The following PTPN4 variants were observed in gnomAD, a reference collection of about 807,000 sequenced individuals.
The protein encoded by PTPN4 is protein tyrosine phosphatase non-receptor type 4, also known as tyrosine-protein phosphatase non-receptor type 4.
A neutral mutation model predicts 135.5 loss-of-function variants in PTPN4; 49 were observed. The observed-to-expected ratio is 0.36, with a 90% CI of 0.29 to 0.46. The LOEUF (loss-of-function observed/expected upper bound fraction) is 0.46. PTPN4 is among the 20% of genes least tolerant of loss of function. The pLI, the probability that PTPN4 is intolerant of heterozygous loss-of-function variation, is 1.00. For missense variants in PTPN4, 860 were observed against 1,101.0 expected, an observed-to-expected ratio of 0.78 and a Z score of 3.10; for synonymous variants, 333 against 369.9, an observed-to-expected ratio of 0.90 and a Z score of 1.14.
intron 18 of PTPN4, among the ~76,000 whole-genome samples, chr2:119,949,767 CAGG>C (rs1679186028): frequency 3.9e-5 from 6 of 151,940 alleles, no homozygotes; most frequent in Admixed American, 2.6e-4. Flanking sequence ...CACTTGAGCC[CAGG>C]AGATCGAGGC....
At position 119,765,451 on chromosome 2, in the gene PTPN4, A is replaced by G. The variant is rs569129546; in HGVS notation, c.-18+5067A>G. Among the ~76,000 whole-genome samples, 4 of 152,326 alleles carry G rather than the reference A, an allele frequency of 2.6e-5. No homozygotes were observed. In the East Asian group the frequency reaches 7.7e-4, roughly 29 times the overall value. On this transcript the variant is annotated intron_variant, in intron 1 of 26. Coordinates refer to ENST00000263708, the MANE Select transcript of PTPN4 (RefSeq NM_002830.4). ...TGCCAGATCTCTCTCTTACAGAAGT[A>G]CCTACAGTGGTTGTTCTTGTTTTGG...
intron 11 of PTPN4, chr2:119,916,149 A>G (rs893954276): frequency 1.3e-5 from 2 of 150,362 alleles, no homozygotes; most frequent in Admixed American, 6.7e-5. Flanking sequence ...GCAATGAGCT[A>G]TCATCACACC....
At chr2:119,851,598 T>C (rs1558744958) in intron 2 of PTPN4, among the ~76,000 whole-genome samples, 1 of 152,234 alleles carries the variant, frequency 6.6e-6, no homozygotes, top group Non-Finnish European at 1.5e-5. Flanking sequence ...CATGCCCATC[T>C]GAGGCTTTCT....
intron 2 of PTPN4, among the ~76,000 whole-genome samples, chr2:119,825,595 A>G (rs1175951685): frequency 6.7e-6 from 1 of 150,184 alleles, no homozygotes; most frequent in Non-Finnish European, 1.5e-5. Flanking sequence ...TCCCAGGTTC[A>G]GGCAATTCTC....
At chr2:119,908,200 A>C (rs1273068385) in intron 10 of PTPN4, among the ~76,000 whole-genome samples, 2 of 152,328 alleles carry the variant, frequency 1.3e-5, no homozygotes, top group Non-Finnish European at 2.9e-5. Flanking sequence ...TTGTACATCC[A>C]ACAAGGGCCT....
At chr2:119,862,779 T>C in intron 3 of PTPN4, 136 bp downstream of exon 3, 1 of 583,940 alleles carries the variant, frequency 1.7e-6, no homozygotes, top group South Asian at 3.1e-5. Context: ...GTAATTCTTT[T>C]GCTTTTGTTC....
chr2:119,771,698 CT>C (rs1690737955), intron 1 of PTPN4: 1 of 152,232 alleles, frequency 6.6e-6, no homozygotes, highest in South Asian at 2.1e-4. Flanking sequence ...TTTCCCTCTT[CT>C]CCCCTAATTT....
chr2:119,837,968 G>C (rs974534534), intron 2 of PTPN4, among the ~76,000 whole-genome samples: 1 of 152,218 alleles, frequency 6.6e-6, no homozygotes, highest in Admixed American at 6.5e-5. Flanking sequence ...TCGCTGCTCC[G>C]CGCCTGACTC....
chr2:119,869,206 C>T (rs141775560), intron 3 of PTPN4, among the ~76,000 whole-genome samples: 1 of 152,258 alleles, frequency 6.6e-6, no homozygotes, highest in Admixed American at 6.5e-5. Flanking sequence ...CACATAGTGA[C>T]CAAAAGCAGA....
chr2:119,811,866 CAT>C (rs892679315), intron 2 of PTPN4, among the ~76,000 whole-genome samples: 27 of 151,842 alleles, frequency 1.8e-4, no homozygotes, highest in African/African-American at 6.3e-4. Flanking sequence ...TTTAGAAAGA[CAT>C]ATATATTAAT....
intron 12 of PTPN4, among the ~76,000 whole-genome samples, chr2:119,922,766 C>T (rs1310163365): frequency 6.6e-6 from 1 of 152,124 alleles, no homozygotes; most frequent in African/African-American, 2.4e-5. Flanking sequence ...TTAAATGTTT[C>T]ATAGAATTTG....
chr2:119,902,902 C>A (rs1678427526), intron 10 of PTPN4, among the ~76,000 whole-genome samples: 2 of 152,170 alleles, frequency 1.3e-5, no homozygotes, highest in South Asian at 4.1e-4. Context: ...CCTCTACACA[C>A]CCCCTAAGAC....
At chr2:119,942,557 T>A (rs1044839708) in intron 15 of PTPN4, among the ~76,000 whole-genome samples, 2 of 152,046 alleles carry the variant, frequency 1.3e-5, no homozygotes, top group African/African-American at 4.8e-5. Flanking sequence ...TTTTAAATGT[T>A]TCCTGGTTAT....
At chr2:119,798,768 C>A (rs919492320) in intron 1 of PTPN4, among the ~76,000 whole-genome samples, 1 of 152,126 alleles carries the variant, frequency 6.6e-6, no homozygotes, top group African/African-American at 2.4e-5. Context: ...TAGATTAATA[C>A]CATATTCAGG....
At chr2:119,909,277 G>A (rs1473276513) in intron 10 of PTPN4, among the ~76,000 whole-genome samples, 1 of 152,148 alleles carries the variant, frequency 6.6e-6, no homozygotes, top group Non-Finnish European at 1.5e-5. Context: ...TGACTCTCTT[G>A]TTGCGGAATA....
chr2:119,850,938 A>G (rs1375806385), intron 2 of PTPN4, among the ~76,000 whole-genome samples: 1 of 152,108 alleles, frequency 6.6e-6, no homozygotes, highest in African/African-American at 2.4e-5. Flanking sequence ...CCTTGCTACT[A>G]TTAATATTTT....
intron 2 of PTPN4, among the ~76,000 whole-genome samples, chr2:119,841,141 A>G (rs1244874630): frequency 2.0e-5 from 3 of 151,642 alleles, no homozygotes; most frequent in Non-Finnish European, 4.4e-5. Context: ...GCTTTTGGAT[A>G]TTTTCTTATA....
chr2:119,789,792 G>A (rs918090224), intron 1 of PTPN4, among the ~76,000 whole-genome samples: 2 of 151,624 alleles, frequency 1.3e-5, no homozygotes, highest in Non-Finnish European at 2.9e-5. Flanking sequence ...GTGTGATCTC[G>A]GCTCAGTGCA....
At chr2:119,902,897 A>G (rs1471877267) in intron 10 of PTPN4, among the ~76,000 whole-genome samples, 2 of 152,112 alleles carry the variant, frequency 1.3e-5, no homozygotes, top group East Asian at 3.9e-4. Context: ...CACTCCCTCT[A>G]CACACCCCCT....
Sources: allele counts gnomAD v4.1 joint callset (sites outside exome capture counted in the v4.1 genomes callset), GRCh38; gene constraint gnomAD v4.1.1; transcripts MANE v1.5; gene names NCBI Gene and HGNC (gene_info 2026-07-23, HGNC 2026-07-21).